Variants in STK32C observed in about 807,000 individuals in gnomAD.
STK32C encodes serine/threonine kinase 32C.
STK32C carries 31 observed loss-of-function variants against 56.5 expected under a neutral mutation model. The ratio of observed to expected loss-of-function variants is 0.55; its 90% confidence interval spans 0.41 to 0.74. STK32C has a LOEUF of 0.74. Among genes scored for constraint, STK32C ranks in the 30% least tolerant of loss-of-function variants. The pLI, the probability that STK32C is intolerant of heterozygous loss-of-function variation, is 0.00. For missense variants in STK32C, 544 were observed against 676.9 expected (o/e 0.80, Z 2.18); for synonymous variants, 309 against 289.4 (o/e 1.07, Z -0.69).
downstream of STK32C, among the ~76,000 whole-genome samples, chr10:132,321,327 T>A (rs2066403786): frequency 6.6e-6 from 1 of 151,972 alleles, no homozygotes; most frequent in Non-Finnish European, 1.5e-5. Flanking sequence ...ACCTGCAGAG[T>A]AAGAGGTAAA....
At chr10:132,223,410 A>G (rs2062755071) in intron 8 of STK32C, among the ~76,000 whole-genome samples, 2 of 152,192 alleles carry the variant, frequency 1.3e-5, no homozygotes, top group South Asian at 4.1e-4. Context: ...CGGGGCAGCC[A>G]TGCATGGCCT....
intron 1 of STK32C, among the ~76,000 whole-genome samples, chr10:132,254,504 C>G (rs981498927): frequency 7.2e-6 from 1 of 138,350 alleles, no homozygotes; most frequent in East Asian, 2.1e-4. Context: ...GCCCCCAGAC[C>G]TGGGAGCCCA....
chr10:132,235,493 T>TCAAAAAAAAAAAAAAAA lies in STK32C; in HGVS notation c.319-7366_319-7365insTTTTTTTTTTTTTTTTG, dbSNP rs1565091831. Among the ~76,000 whole-genome samples, 5 of 72,410 alleles carry TCAAAAAAAAAAAAAAAA rather than the reference T, an allele frequency of 6.9e-5. 1 individual carries two copies. The highest frequency in any genetic ancestry group is 2.1e-4 in the Admixed American group (1 of 4,706). 47.5% of individuals were successfully genotyped at this position (72,410 alleles called of 152,430 possible). ...CCTGGCAACAGAGCAAGACTCAGCC[T>TCAAAAAAAAAAAAAAAA]TAAAAAAAAAAAAAAAAAAAAGGAA... is the stretch of plus-strand genomic sequence containing the variant. On this transcript the variant is annotated intron_variant, in intron 2 of 11. Transcript: ENST00000298630.
chr10:132,250,340 C>T (rs910429364), intron 1 of STK32C, among the ~76,000 whole-genome samples: 30 of 127,106 alleles, frequency 2.4e-4, no homozygotes, highest in Non-Finnish European at 3.5e-4. Flanking sequence ...GTGAGGCGCA[C>T]GGGACAGGTC....
At chr10:132,222,557 G>T in intron 10 of STK32C, 84 bp downstream of exon 10, 1 of 1,540,408 alleles carries the variant, frequency 6.5e-7, no homozygotes, top group Non-Finnish European at 8.7e-7. Flanking sequence ...GCGCTGCCAG[G>T]GGTCCCCACA....
intron 1 of STK32C, among the ~76,000 whole-genome samples, chr10:132,250,108 T>C (rs2063842631): frequency 6.6e-6 from 1 of 152,172 alleles, no homozygotes; most frequent in African/African-American, 2.4e-5. Flanking sequence ...CAAACTCCTC[T>C]CATGAGAGTT....
At chr10:132,311,629 T>C (rs1009169095), upstream of STK32C, among the ~76,000 whole-genome samples, 12 of 152,202 alleles carry the variant, frequency 7.9e-5, no homozygotes, top group South Asian at 2.1e-4. This position sits in a 1 kb window ranked among gnomAD's most constrained non-coding sequence, Gnocchi z 4.4. Flanking sequence ...TCGCCCCCAC[T>C]GCAGTGCGCC....
At chr10:132,239,600 C>A (rs1290184701) in intron 2 of STK32C, among the ~76,000 whole-genome samples, 1 of 152,226 alleles carries the variant, frequency 6.6e-6, no homozygotes, top group Non-Finnish European at 1.5e-5. Context: ...GAAACCAGAG[C>A]CTGTGCTGCT....
chr10:132,209,436 TC>T, intron 10 of STK32C: 1 of 517,210 alleles, frequency 1.9e-6, no homozygotes, highest in Non-Finnish European at 3.7e-6. Context: ...GCCTTTCCCG[TC>T]TCATACCGGG....
Position 132,269,312 on chromosome 10 carries a change from T to A in STK32C, c.263-23357A>T, listed in dbSNP as rs191917971. ...ACAGGGTCTCTTCAAGTGAGCTGAT[T>A]ACGTGCCTGGCCTCATCTGACCGAC... On this transcript the variant is annotated intron_variant, in intron 1 of 11. Transcript: ENST00000298630. Among the ~76,000 whole-genome samples, 190 of 152,334 alleles carry A rather than the reference T, an allele frequency of 1.2e-3. 1 individual carries two copies. Among genetic ancestry groups the A allele is most frequent in the African/African-American group, 4.1e-3 (171 of 41,578 alleles).
rs1290838878 is a variant in STK32C at position 132,228,103 on chromosome 10, G to A, written c.344C>T (p.Thr115Met). 3.7e-6 allele frequency: 6 copies of A among 1,613,960 alleles called. No homozygotes were observed. The highest frequency in any genetic ancestry group is 2.2e-5 in the East Asian group (1 of 44,866). Residue 115 changes from threonine to methionine, a missense_variant, in exon 3 of 12, where the codon ACG becomes ATG. Transcript: ENST00000298630. The stretch of plus-strand genomic sequence containing the variant: ...GTACTTCATGGCGTACATCTTCTCC[G>A]TGTCCCGCTTCTGCACAATGCACAC... Reference protein sequence around the residue: ...GKVCIVQKRDTEKMYAMKYMN... With the variant: ...GKVCIVQKRDMEKMYAMKYMN...
intron 4 of STK32C, 150 bp downstream of exon 4, chr10:132,226,645 C>T: frequency 1.1e-6 from 1 of 929,042 alleles, no homozygotes; most frequent in South Asian, 1.6e-5. Context: ...GCACAGGTGC[C>T]ACAGCTGGGG....
chr10:132,272,726 A>G (rs2064868975), intron 1 of STK32C, among the ~76,000 whole-genome samples: 1 of 152,090 alleles, frequency 6.6e-6, no homozygotes, highest in Non-Finnish European at 1.5e-5. Flanking sequence ...ATTCTCAACA[A>G]AGCTGCAGGC....
intron 2 of STK32C, among the ~76,000 whole-genome samples, chr10:132,233,760 G>A (rs1451151904): frequency 6.6e-6 from 1 of 152,352 alleles, no homozygotes; most frequent in East Asian, 1.9e-4. Context: ...GCTTCCCAGG[G>A]GACGGAGCTA....
intron 1 of STK32C, among the ~76,000 whole-genome samples, chr10:132,253,526 G>GGAGGGAGCTGGAGGGAGTC (rs1456060027): frequency 4.9e-4 from 61 of 123,292 alleles, no homozygotes; most frequent in African/African-American, 2.0e-3. Flanking sequence ...TGAGGGAGCC[G>GGAGGGAGCTGGAGGGAGTC]GAGGGAGCTG....
At chr10:132,217,482 A>T (rs941460971) in intron 10 of STK32C, among the ~76,000 whole-genome samples, 5 of 152,224 alleles carry the variant, frequency 3.3e-5, no homozygotes, top group Non-Finnish European at 7.4e-5. Context: ...TGCCAAAATA[A>T]GACTATGGGG....
rs72856738 is a variant in STK32C at position 132,241,583 on chromosome 10, G to C, written c.318+4317C>G. ...ACGTAACTCCTATCCAAATCCCAGC[G>C]GGGTTACTTTCGACCTTGACAAGAC... On this transcript the variant is annotated intron_variant, in intron 2 of 11. Transcript: ENST00000298630. Among the ~76,000 whole-genome samples the C allele has an allele frequency of 9.9e-3, 1,502 of 152,320 alleles. 30 individuals are homozygous for C. In the South Asian group the frequency reaches 0.1, roughly 10 times the overall value.
rs1217859761 is a variant in STK32C at position 132,208,157 on chromosome 10, G to A, written c.1320-6C>T. 1 of 1,309,796 alleles carries A rather than the reference G, an allele frequency of 7.6e-7. No homozygotes were observed. Among genetic ancestry groups the A allele is most frequent in the Non-Finnish European group, 9.8e-7 (1 of 1,021,016 alleles). 81.1% of individuals were successfully genotyped at this position (1,309,796 alleles called of 1,614,324 possible). ...GGTCCTGGCTCCTCTTCAGCCTGGGGTGGCAGGAACACATGGAGGGCGTTA... is the reference window on the plus strand; with the variant it reads ...GGTCCTGGCTCCTCTTCAGCCTGGGATGGCAGGAACACATGGAGGGCGTTA... On this transcript the variant is annotated splice_region_variant and splice_polypyrimidine_tract_variant and intron_variant, in intron 11 of 11. Transcript: ENST00000298630.
At chr10:132,219,274 T>G (rs2062560837) in intron 10 of STK32C, among the ~76,000 whole-genome samples, 1 of 151,460 alleles carries the variant, frequency 6.6e-6, no homozygotes. Context: ...ACAGTGGGAC[T>G]TTTTTTTTGG....
Sources: gnomAD v4.1 joint callset for allele counts (sites outside exome capture counted in the v4.1 genomes callset) on GRCh38, gnomAD v4.1.1 for gene constraint, Gnocchi (gnomAD v3.1) non-coding constraint, MANE v1.5 for transcripts, NCBI Gene and HGNC (gene_info 2026-07-23, HGNC 2026-07-21) for gene names.